Variants in SHISA9 observed in about 807,000 individuals in gnomAD.
The protein encoded by SHISA9 is shisa family member 9, also known as protein shisa-9.
A neutral mutation model predicts 38.0 loss-of-function variants in SHISA9; 13 were observed. The observed-to-expected ratio is 0.34, with a 90% CI of 0.22 to 0.54. The LOEUF (loss-of-function observed/expected upper bound fraction) is 0.54. Among genes scored for constraint, SHISA9 ranks in the 20% least tolerant of loss-of-function variants. SHISA9 has a pLI of 0.91. For missense variants in SHISA9, 538 were observed against 575.8 expected, an observed-to-expected ratio of 0.93 and a Z score of 0.67; for synonymous variants, 275 against 242.0, an observed-to-expected ratio of 1.14 and a Z score of -1.27.
At chr16:13,075,367 G>A (rs180946627) in intron 2 of SHISA9, among the ~76,000 whole-genome samples, 7 of 152,330 alleles carry the variant, frequency 4.6e-5, no homozygotes, top group Non-Finnish European at 8.8e-5. Flanking sequence ...GGCAGGAGGA[G>A]CTTGCATGGC....
chr16:13,018,387 G>A (rs915775918), intron 2 of SHISA9, among the ~76,000 whole-genome samples: 1 of 152,186 alleles, frequency 6.6e-6, no homozygotes, highest in African/African-American at 2.4e-5. Context: ...CAGCTTTTTG[G>A]TATTGCCTGT....
the SHISA9 span, chr16:13,562,909 A>T: frequency 2.7e-5 from 4 of 145,676 alleles, no homozygotes; most frequent in African/African-American, 1.0e-4. Context: ...AATAAAAATT[A>T]AAAAAAAAAA....
At chr16:13,507,675 A>G in the SHISA9 span, among the ~76,000 whole-genome samples, 1 of 152,200 alleles carries the variant, frequency 6.6e-6, no homozygotes, top group African/African-American at 2.4e-5. Flanking sequence ...TTTGTTTTGC[A>G]ACAGGAAGTC....
At chr16:12,955,411 C>G (rs766704384) in intron 2 of SHISA9, among the ~76,000 whole-genome samples, 9 of 152,076 alleles carry the variant, frequency 5.9e-5, no homozygotes. Flanking sequence ...GTGTGTTTCC[C>G]ACTGGGGTAG....
At chr16:13,230,444 T>G (rs1423684614) in intron 4 of SHISA9, among the ~76,000 whole-genome samples, 1 of 152,210 alleles carries the variant, frequency 6.6e-6, no homozygotes, top group Non-Finnish European at 1.5e-5. Context: ...CTTGTTGGTT[T>G]GACAGTTGTG....
chr16:13,091,453 G>T (rs1286935306), intron 2 of SHISA9, among the ~76,000 whole-genome samples: 5 of 152,088 alleles, frequency 3.3e-5, no homozygotes, highest in Non-Finnish European at 7.4e-5. Context: ...ATGTAGATTT[G>T]ATCTTTTCAT....
chr16:13,220,867 A>G (rs1250346196), intron 4 of SHISA9, among the ~76,000 whole-genome samples: 1 of 152,132 alleles, frequency 6.6e-6, no homozygotes, highest in Non-Finnish European at 1.5e-5. Context: ...GAAGAGAGAA[A>G]GGGCCTGAGG....
At chr16:13,328,021 C>T in the SHISA9 span, among the ~76,000 whole-genome samples, 3 of 152,154 alleles carry the variant, frequency 2.0e-5, no homozygotes, top group Admixed American at 6.5e-5. Context: ...CAACATCATG[C>T]GCATTTATTA....
chr16:12,980,188 T>C (rs1056478741), intron 2 of SHISA9, among the ~76,000 whole-genome samples: 1 of 152,228 alleles, frequency 6.6e-6, no homozygotes, highest in Non-Finnish European at 1.5e-5. Flanking sequence ...CCAAGGCATT[T>C]GATTATATGC....
intron 2 of SHISA9, among the ~76,000 whole-genome samples, chr16:13,036,876 A>T (rs969649090): frequency 6.6e-6 from 1 of 151,930 alleles, no homozygotes; most frequent in African/African-American, 2.4e-5. Context: ...AGCTCAAAAA[A>T]CCCTTTAATA....
the SHISA9 span, among the ~76,000 whole-genome samples, chr16:13,305,861 A>G: frequency 6.6e-6 from 1 of 152,236 alleles, no homozygotes; most frequent in Non-Finnish European, 1.5e-5. Context: ...ATAATTTGTT[A>G]AATGGAAATA....
intron 2 of SHISA9, among the ~76,000 whole-genome samples, chr16:13,114,457 T>G (rs1466020854): frequency 7.7e-6 from 1 of 130,394 alleles, no homozygotes. Context: ...CAGAGTGAGA[T>G]TCCATCTCAA....
chr16:13,232,054 G>T (rs992682166), intron 4 of SHISA9, among the ~76,000 whole-genome samples: 3 of 152,226 alleles, frequency 2.0e-5, no homozygotes, highest in African/African-American at 7.2e-5. Context: ...ATCAGATATT[G>T]AAGATATGAA....
chr16:13,280,234 C>A, the SHISA9 span, among the ~76,000 whole-genome samples: 2 of 142,692 alleles, frequency 1.4e-5, no homozygotes, highest in South Asian at 2.3e-4. Context: ...CCCTTGATTT[C>A]TATTCCATTA....
intron 2 of SHISA9, among the ~76,000 whole-genome samples, chr16:13,086,269 T>C (rs1596638584): frequency 6.8e-6 from 1 of 148,090 alleles, no homozygotes; most frequent in Non-Finnish European, 1.5e-5. Context: ...GCAGGAGAAT[T>C]GCTTGAACCC....
At chr16:13,297,849 G>A in the SHISA9 span, among the ~76,000 whole-genome samples, 2 of 152,116 alleles carry the variant, frequency 1.3e-5, no homozygotes, top group East Asian at 1.9e-4. Flanking sequence ...CTCTACCTCC[G>A]AGGTCCAAGC....
intron 2 of SHISA9, among the ~76,000 whole-genome samples, chr16:13,050,213 C>A (rs2073234666): frequency 6.6e-6 from 1 of 152,084 alleles, no homozygotes; most frequent in Admixed American, 6.6e-5. Context: ...AGATATACAT[C>A]TGTTGATGTA....
intron 2 of SHISA9, among the ~76,000 whole-genome samples, chr16:12,973,135 A>G (rs2072107462): frequency 6.6e-6 from 1 of 152,308 alleles, no homozygotes; most frequent in Non-Finnish European, 1.5e-5. Flanking sequence ...CTCCCCCCAC[A>G]CAAAAAATAA....
At chr16:13,398,540 G>C in the SHISA9 span, among the ~76,000 whole-genome samples, 3 of 146,184 alleles carry the variant, frequency 2.1e-5, no homozygotes, top group African/African-American at 7.8e-5. Flanking sequence ...TTGCTCTTTA[G>C]CCCAGGCTAG....
Sources: gnomAD v4.1 joint callset for allele counts (sites outside exome capture counted in the v4.1 genomes callset) on GRCh38, gnomAD v4.1.1 for gene constraint, MANE v1.5 for transcripts, NCBI Gene and HGNC (gene_info 2026-07-23, HGNC 2026-07-21) for gene names.